DPEP1: variants seen among roughly 807,000 people sequenced by gnomAD.
DPEP1 encodes beta-lactamase.
In DPEP1, 50 loss-of-function variants were observed where a neutral mutation model predicts 42.3. The observed-to-expected ratio is 1.18, with a 90% CI of 0.94 to 1.50. DPEP1 has a LOEUF of 1.50. Among genes scored for constraint, DPEP1 ranks in the 40% most tolerant of loss-of-function variants. DPEP1 has a pLI of 0.00. For synonymous variants in DPEP1, 297 were observed against 234.0 expected (o/e 1.27, Z -2.46); for missense variants, 663 against 553.0 (o/e 1.20, Z -1.99).
intron 2 of DPEP1, among the ~76,000 whole-genome samples, chr16:89,634,127 C>G (rs556619225): frequency 1.4e-5 from 2 of 144,012 alleles, no homozygotes; most frequent in Non-Finnish European, 3.0e-5. Context: ...CTCGCTCTGT[C>G]GCCCAGGCTG....
intron 1 of DPEP1, 68 bp downstream of exon 1, chr16:89,613,787 G>A (rs1043995197): frequency 1.9e-5 from 3 of 157,364 alleles, no homozygotes; most frequent in African/African-American, 7.2e-5. Flanking sequence ...CAGGCCCGGG[G>A]ACCCCAGGGC....
chr16:89,637,384 AG>A lies in DPEP1; in HGVS notation c.768+7del, dbSNP rs1398335034. 6.2e-7 allele frequency: 1 copy of A among 1,612,044 alleles called. No homozygotes were observed. The highest frequency in any genetic ancestry group is 2.2e-5 in the East Asian group (1 of 44,894). Reference sequence around the variant, plus strand: ...TGACGACGTCCTGAGGCTGGTGGTGAGGGCCGAGGGGGCGACCTCCACCCCG... The same window carrying A: ...TGACGACGTCCTGAGGCTGGTGGTGAGGCCGAGGGGGCGACCTCCACCCCG... On this transcript the variant is annotated splice_donor_5th_base_variant and intron_variant, in intron 7 of 10. Transcript: ENST00000690203.
chr16:89,625,630 G>T (rs1445238638), intron 1 of DPEP1, among the ~76,000 whole-genome samples: 2 of 152,338 alleles, frequency 1.3e-5, no homozygotes, highest in East Asian at 3.9e-4. Flanking sequence ...GCAGAGTCCA[G>T]AGCTTGGAAG....
At chr16:89,634,133 G>A (rs2059628579) in intron 2 of DPEP1, among the ~76,000 whole-genome samples, 1 of 139,442 alleles carries the variant, frequency 7.2e-6, no homozygotes, top group African/African-American at 2.6e-5. Context: ...CTGTCGCCCA[G>A]GCTGGAGTGC....
chr16:89,630,737 T>A (rs947527533), intron 2 of DPEP1, among the ~76,000 whole-genome samples: 2 of 9,356 alleles, frequency 2.1e-4, no homozygotes, highest in South Asian at 3.5e-3. Flanking sequence ...GGGCTGGGGG[T>A]GCCGGGGCTG....
At chr16:89,623,378 C>T (rs62068713) in intron 1 of DPEP1, among the ~76,000 whole-genome samples, 28,362 of 151,990 alleles carry the variant, frequency 0.19, 2,831 homozygotes, top group South Asian at 0.34. Flanking sequence ...AGCCTGGGGT[C>T]GAGAGCCCGC....
At position 89,636,862 on chromosome 16, in the gene DPEP1, C is replaced by T. The variant is rs968206503; in HGVS notation, c.522-4C>T. On this transcript the variant is annotated splice_region_variant and splice_polypyrimidine_tract_variant and intron_variant, in intron 5 of 10. Transcript: ENST00000690203. The stretch of plus-strand genomic sequence containing the variant: ...TCTTGGGCACCTGCCTTTTGCTTCT[C>T]CAGGGCTGACAACTGGCTGGTGGAC... 2 of 1,612,550 alleles carry T rather than the reference C, an allele frequency of 1.2e-6. No individual in the cohort carries two copies. Among genetic ancestry groups the T allele is most frequent in the Middle Eastern group, 1.7e-4 (1 of 6,036 alleles).
At chr16:89,634,043 T>C (rs2059625618) in intron 2 of DPEP1, among the ~76,000 whole-genome samples, 1 of 150,524 alleles carries the variant, frequency 6.6e-6, no homozygotes, top group African/African-American at 2.4e-5. Flanking sequence ...GAGCCTGCCC[T>C]GGGCCCCTTA....
rs370906068 is a variant in DPEP1, at chr16:89,637,908, G to A, written c.1002G>A (p.Thr334=). 7.1e-5 allele frequency: 114 copies of A among 1,612,108 alleles called. No homozygotes were observed. Among genetic ancestry groups the A allele is most frequent in the Non-Finnish European group, 8.6e-5 (102 of 1,179,658 alleles). Residue 334 remains threonine, a synonymous_variant, in exon 10 of 11, where the codon ACG becomes ACA. Coordinates refer to ENST00000690203, the MANE Select transcript of DPEP1 (RefSeq NM_001389466.1). ...CTGAGCTGCTCAGGAGGAACTGGAC[G>A]GAGGCGGAGGTCAAGGGCGCACTGG... is the stretch of plus-strand genomic sequence containing the variant. ...LIAELLRRNW[T]EAEVKGALAD... is the part of the protein sequence containing the mutation.
At chr16:89,630,141 C>T (rs549948752) in intron 1 of DPEP1, 164 bp from the exon 2 acceptor site, 55 of 285,370 alleles carry the variant, frequency 1.9e-4, no homozygotes, top group East Asian at 4.7e-4. Context: ...ACTATGCCTC[C>T]GCCTAGCCCA....
At chr16:89,631,540 C>G (rs2059588853) in intron 2 of DPEP1, among the ~76,000 whole-genome samples, 1 of 152,164 alleles carries the variant, frequency 6.6e-6, no homozygotes, top group Non-Finnish European at 1.5e-5. Flanking sequence ...GCAGGGAAAC[C>G]CGATGTCTTG....
rs751933857 is a variant in DPEP1, at chr16:89,636,017, A to G, written c.214A>G (p.Arg72Gly). The G allele has an allele frequency of 1.4e-5, 23 of 1,611,096 alleles. No individual in the cohort carries two copies. The South Asian group carries it at 2.4e-4, about 17-fold the overall frequency. The change falls in exon 3 of 11, where the codon AGG becomes GGG. Residue 72 changes from arginine to glycine, a missense_variant. Transcript: ENST00000690203. ...AGTHTNIPKLRAGFVGGQFWS... is the reference protein window; with the variant it reads ...AGTHTNIPKLGAGFVGGQFWS... ...CACACACACCAACATCCCCAAGCTG[A>G]GGGCCGGCTTTGTGGGAGGCCAGGT...
intron 1 of DPEP1, among the ~76,000 whole-genome samples, chr16:89,614,518 G>A (rs1597735853): frequency 6.6e-6 from 1 of 152,232 alleles, no homozygotes; most frequent in African/African-American, 2.4e-5. Context: ...GCTGTGGCCG[G>A]GCGCGGTGGC....
Position 89,638,137 on chromosome 16 carries a change from C to T in DPEP1, c.1151C>T (p.Ser384Phe). The T allele has an allele frequency of 2.5e-6, 4 of 1,610,868 alleles. No homozygotes were observed. The highest frequency in any genetic ancestry group is 3.4e-6 in the Non-Finnish European group (4 of 1,179,040). ...GGSCRTHYGY[S>F]SGASSLHRHW... is the part of the protein sequence containing the mutation. Reference sequence around the variant, plus strand: ...TCCTGCAGGACCCATTACGGCTACTCCTCTGGGGCTTCCAGCCTCCATCGC... The same window carrying T: ...TCCTGCAGGACCCATTACGGCTACTTCTCTGGGGCTTCCAGCCTCCATCGC... The change falls in exon 11 of 11, where the codon TCC becomes TTC. Residue 384 changes from serine to phenylalanine, a missense_variant. Ser to Phe is a radical substitution (Grantham distance 155). Transcript: ENST00000690203.
In DPEP1 at chr16:89,636,942, G is replaced by T; in HGVS notation, c.591+7G>T. The T allele has an allele frequency of 6.2e-7, 1 of 1,612,084 alleles. No individual in the cohort carries two copies. Among genetic ancestry groups the T allele is most frequent in the Non-Finnish European group, 8.5e-7 (1 of 1,179,838 alleles). ...CTTGTCACCCTTTGGGCAGGTGAGT[G>T]GGGTGGGAGCGGCCAGTCACCCCCG... On this transcript the variant is annotated splice_region_variant and intron_variant, in intron 6 of 10. Transcript: ENST00000690203.
rs1407098752 is a variant in DPEP1, at chr16:89,626,771, C to A, written c.-106-3534C>A. On this transcript the variant is annotated intron_variant, in intron 1 of 10. Coordinates refer to ENST00000690203, the MANE Select transcript of DPEP1 (RefSeq NM_001389466.1). ...GGCCATGATTGTAATTTTCCTGAGG[C>A]CTCCCCAGCCATGTGGAACTGTGAG... 1.2e-4 allele frequency among the ~76,000 whole-genome samples: 18 copies of A among 152,250 alleles called. No homozygotes were observed. In the South Asian group the frequency reaches 3.5e-3, roughly 30 times the overall value.
chr16:89,639,712 A>C (rs1345057051), downstream of DPEP1, among the ~76,000 whole-genome samples: 1 of 151,574 alleles, frequency 6.6e-6, no homozygotes, highest in Non-Finnish European at 1.5e-5. Context: ...TTGAGATGGA[A>C]TCTCGCTCCG....
At chr16:89,628,675 G>A (rs1369250520) in intron 1 of DPEP1, among the ~76,000 whole-genome samples, 3 of 152,138 alleles carry the variant, frequency 2.0e-5, no homozygotes, top group African/African-American at 4.8e-5. Flanking sequence ...CTGTCACTCA[G>A]TTTCTGCCTC....
rs1222477245 is a variant in DPEP1, at chr16:89,637,671, C to T, written c.893C>T (p.Ala298Val). The change falls in exon 9 of 11, where the codon GCC (alanine) becomes GTC (valine). Residue 298 changes from alanine to valine, a missense_variant. Physicochemically the swap from Ala to Val is moderately conservative, Grantham distance 64 (BLOSUM62 0). Transcript: ENST00000690203. Reference sequence around the variant, plus strand: ...ATCAAGGAGGTGGCAGGAGCCAGAGCCGTGGGTTTTGGTGGGGACTTTGAT... The same window carrying T: ...ATCAAGGAGGTGGCAGGAGCCAGAGTCGTGGGTTTTGGTGGGGACTTTGAT... ...DHIKEVAGARAVGFGGDFDGV... is the reference protein window; with the variant it reads ...DHIKEVAGARVVGFGGDFDGV... 2 of 1,612,890 alleles carry T rather than the reference C, an allele frequency of 1.2e-6. No homozygotes were observed. Among genetic ancestry groups the T allele is most frequent in the Non-Finnish European group, 8.5e-7 (1 of 1,179,992 alleles).
Sources: allele counts gnomAD v4.1 joint callset (sites outside exome capture counted in the v4.1 genomes callset), GRCh38; gene constraint gnomAD v4.1.1; transcripts MANE v1.5; gene names NCBI Gene and HGNC (gene_info 2026-07-23, HGNC 2026-07-21).